SOX30: variants seen among roughly 807,000 people sequenced by gnomAD.
SOX30 encodes SRY-box transcription factor 30, also known as transcription factor SOX-30.
A neutral mutation model predicts 58.6 loss-of-function variants in SOX30; 17 were observed. That is an observed-to-expected ratio of 0.29 (90% CI 0.20 to 0.44). The LOEUF (loss-of-function observed/expected upper bound fraction) is 0.44. Ranked by LOEUF, SOX30 falls within the 20% of genes least tolerant of loss-of-function variation. The pLI, the probability that SOX30 is intolerant of heterozygous loss-of-function variation, is 1.00. For synonymous variants in SOX30, 421 were observed against 400.2 expected (o/e 1.05, Z -0.62); for missense variants, 951 against 965.8 (o/e 0.98, Z 0.20).
chr5:157,653,134 G>GT (rs770281500), upstream of SOX30, among the ~76,000 whole-genome samples: 21 of 152,314 alleles, frequency 1.4e-4, no homozygotes, highest in Admixed American at 1.3e-4. Flanking sequence ...ACTGCAGGGT[G>GT]TTTAAACATG....
chr5:157,652,018 G>C lies in SOX30; in HGVS notation c.61C>G (p.Pro21Ala). ...QPRPLRPAPP[P>A]LPVEGTSFWA... ...AAGGAGGTGCCCTCGACCGGCAGCG[G>C]GGGCGGAGCGGGACGCAACGGGCGC... Residue 21 changes from proline to alanine, a missense_variant, in exon 1 of 5, where the codon CCG becomes GCG. Around this residue, in one of 7 missense-constraint regions of SOX30, gnomAD observed 363 missense variants for 294.5 expected, o/e 1.23. Transcript: ENST00000265007. 7.0e-7 allele frequency: 1 copy of C among 1,429,456 alleles called. No individual in the cohort carries two copies. Among genetic ancestry groups the C allele is most frequent in the Non-Finnish European group, 9.1e-7 (1 of 1,100,092 alleles). The allele number at this position is 1,429,456 out of a possible 1,614,324, so 88.5% of individuals were successfully genotyped here.
chr5:157,638,138 G>T, intron 4 of SOX30, 92 bp downstream of exon 4: 1 of 1,278,986 alleles, frequency 7.8e-7, no homozygotes, highest in Non-Finnish European at 1.1e-6. Flanking sequence ...CTGCTTTTCA[G>T]TATTTAAAAA....
chr5:157,646,543 A>T, intron 3 of SOX30, 94 bp downstream of exon 3: 2 of 913,722 alleles, frequency 2.2e-6, no homozygotes, highest in Non-Finnish European at 3.3e-6. Flanking sequence ...GTTGTTCCAA[A>T]TTCTTAAGAC....
chr5:157,646,714 G>C lies in SOX30; in HGVS notation c.1310C>G (p.Thr437Arg), dbSNP rs1249217821. Reference sequence around the variant, plus strand: ...AGGTGAGCGGTAAGGATAAACTGTTGTAGGATTTGTAGAGATGATATTCTG... The same window carrying C: ...AGGTGAGCGGTAAGGATAAACTGTTCTAGGATTTGTAGAGATGATATTCTG... Reference protein sequence around the residue: ...TTQNIISTNPTTVYPYRSPTY... With the variant: ...TTQNIISTNPRTVYPYRSPTY... The change falls in exon 3 of 5, where the codon ACA becomes AGA. Residue 437 changes from threonine (T) to arginine (R), a missense_variant. Physicochemically the swap from Thr to Arg is moderately conservative, Grantham distance 71. Around this residue, in one of 7 missense-constraint regions of SOX30, gnomAD observed 381 missense variants for 390.0 expected, o/e 0.98. Coordinates refer to ENST00000265007, the MANE Select transcript of SOX30 (RefSeq NM_178424.2). 1 of 1,613,126 alleles carries C rather than the reference G, an allele frequency of 6.2e-7. No homozygotes were observed. The highest frequency in any genetic ancestry group is 1.7e-5 in the Admixed American group (1 of 60,028).
At chr5:157,666,470 G>A (rs1174718861) in intron 2 of SOX30, among the ~76,000 whole-genome samples, 1 of 132,758 alleles carries the variant, frequency 7.5e-6, no homozygotes, top group African/African-American at 2.9e-5. Context: ...AGATTCTTTA[G>A]TCCAGTAGAC....
At chr5:157,643,876 C>CAA (rs1021549356) in intron 3 of SOX30, among the ~76,000 whole-genome samples, 102 of 152,108 alleles carry the variant, frequency 6.7e-4, no homozygotes, top group African/African-American at 2.2e-3. Flanking sequence ...TTATAGCACA[C>CAA]GAGATGTGTG....
chr5:157,632,260 C>A (rs933052945), intron 4 of SOX30, among the ~76,000 whole-genome samples: 8 of 151,980 alleles, frequency 5.3e-5, no homozygotes, highest in Non-Finnish European at 1.2e-4. Flanking sequence ...GTGGTTCTTT[C>A]ACTGCCTTGG....
chr5:157,627,106 G>A (rs1463520353), intron 4 of SOX30, among the ~76,000 whole-genome samples: 1 of 152,240 alleles, frequency 6.6e-6, no homozygotes, highest in Admixed American at 6.5e-5. Context: ...GCTCACGCCT[G>A]TAATCCCAAC....
At chr5:157,656,985 A>T (rs1179100912), upstream of SOX30, among the ~76,000 whole-genome samples, 1 of 152,218 alleles carries the variant, frequency 6.6e-6, no homozygotes, top group Non-Finnish European at 1.5e-5. Context: ...AAAAATATGT[A>T]AAGGGTTATA....
chr5:157,647,667 G>A, intron 2 of SOX30, among the ~76,000 whole-genome samples: 1 of 151,900 alleles, frequency 6.6e-6, no homozygotes, highest in Non-Finnish European at 1.5e-5. Context: ...CCATTCTCCT[G>A]CCTGAGCCTC....
At chr5:157,641,652 T>A (rs557517947) in intron 3 of SOX30, among the ~76,000 whole-genome samples, 98 of 152,216 alleles carry the variant, frequency 6.4e-4, no homozygotes, top group Non-Finnish European at 1.2e-3. Flanking sequence ...GTAGATTCTA[T>A]CAAAGAAATA....
rs1425934076 is a variant in SOX30, at chr5:157,651,296, A to G, written c.783T>C (p.Pro261=). ...CAGGGGGGACCGTGTGGAGCGTCAA[A>G]GGGATCCTAAGGTCTTGCTGGTGCG... ...FGPHQQDLRI[P]LTLHTVPPGA... is the part of the protein sequence containing the mutation. The change falls in exon 1 of 5, where the codon CCT becomes CCC. Residue 261 remains proline (P), a synonymous_variant. Coordinates refer to ENST00000265007, the MANE Select transcript of SOX30 (RefSeq NM_178424.2). 4 of 1,614,024 alleles carry G rather than the reference A, an allele frequency of 2.5e-6. No individual in the cohort carries two copies. In the South Asian group the frequency reaches 3.3e-5, roughly 13 times the overall value.
At chr5:157,660,222 A>G (rs1282664132) in intron 2 of SOX30, among the ~76,000 whole-genome samples, 2 of 152,220 alleles carry the variant, frequency 1.3e-5, no homozygotes, top group Non-Finnish European at 2.9e-5. Context: ...AGAATTTTAG[A>G]CCGACATGGG....
chr5:157,652,697 T>TCAC (rs964258488), upstream of SOX30, among the ~76,000 whole-genome samples: 2 of 152,230 alleles, frequency 1.3e-5, no homozygotes, highest in African/African-American at 4.8e-5. Context: ...TTTCAATTAA[T>TCAC]CACCAGGCCC....
exon 1 of SOX30, chr5:157,671,455 C>G (rs1471729300): frequency 4.8e-6 from 3 of 626,282 alleles, no homozygotes; most frequent in African/African-American, 3.8e-5. Context: ...TCCAACAGCC[C>G]CCGTCCCCTT....
chr5:157,671,209 T>G, intron 1 of SOX30: 1 of 187,190 alleles, frequency 5.3e-6, no homozygotes. Context: ...TGCTGGGTCT[T>G]CAGACCTCAG....
intron 1 of SOX30, among the ~76,000 whole-genome samples, chr5:157,670,900 C>T (rs1759766823): frequency 6.6e-6 from 1 of 152,042 alleles, no homozygotes; most frequent in Non-Finnish European, 1.5e-5. Flanking sequence ...GGGGCGTTAC[C>T]GAAATATTAG....
chr5:157,626,559 G>A lies in SOX30; in HGVS notation c.2043C>T (p.His681=), dbSNP rs2113828727. 6.2e-7 allele frequency: 1 copy of A among 1,614,154 alleles called. No individual in the cohort carries two copies. Among genetic ancestry groups the A allele is most frequent in the Non-Finnish European group, 8.5e-7 (1 of 1,180,020 alleles). ...TCTCACAACTCCGAGAATTTTCACT[G>A]TGTGTGCATTCACTTGAGTAGTCTC... ...SFRDYSSECT[H]SENSRSCENM... Residue 681 remains histidine, a synonymous_variant, in exon 5 of 5, where the codon CAC becomes CAT. Coordinates refer to ENST00000265007, the MANE Select transcript of SOX30 (RefSeq NM_178424.2).
At position 157,626,707 on chromosome 5, in the gene SOX30, C is replaced by A; in HGVS notation, c.1895G>T (p.Ser632Ile). ...HYFPSSTCPY[S>I]RPPFGYGNFP... ...ATTTCCATAGCCAAAGGGAGGCCGA[C>A]TGTAAGGGCATGTACTGCAGCAGAA... The change falls in exon 5 of 5, where the codon AGT (serine) becomes ATT (isoleucine). Residue 632 changes from serine (S) to isoleucine (I), a missense_variant. Physicochemically the swap from Ser to Ile is moderately radical, Grantham distance 142. Transcript: ENST00000265007. The A allele has an allele frequency of 6.2e-7, 1 of 1,607,788 alleles. No homozygotes were observed.
Sources: allele counts gnomAD v4.1 joint callset (sites outside exome capture counted in the v4.1 genomes callset), GRCh38; gene constraint gnomAD v4.1.1; regional missense constraint gnomAD v4.1.1; transcripts MANE v1.5; gene names NCBI Gene and HGNC (gene_info 2026-07-23, HGNC 2026-07-21).